The following TMEM178A variants were observed in gnomAD, a reference collection of about 807,000 sequenced individuals.
TMEM178A encodes transmembrane protein 178A, also known as transmembrane protein 178.
TMEM178A carries 12 observed loss-of-function variants against 29.1 expected under a neutral mutation model. That is an observed-to-expected ratio of 0.41 (90% CI 0.26 to 0.67). The LOEUF (loss-of-function observed/expected upper bound fraction) is 0.67, where lower values mean the gene tolerates loss of function less well. Ranked by LOEUF, TMEM178A falls within the 30% of genes least tolerant of loss-of-function variation. The pLI is 0.29. For missense variants in TMEM178A, 366 were observed against 419.1 expected (o/e 0.87, Z 1.11); for synonymous variants, 210 against 187.2 (o/e 1.12, Z -0.99).
rs141844962 is a variant in TMEM178A at position 39,707,086 on chromosome 2, C to T, written c.552C>T (p.Ala184=). The change falls in exon 3 of 4, where the codon GCC becomes GCT. Residue 184 remains alanine, a synonymous_variant. Coordinates refer to ENST00000281961, the MANE Select transcript of TMEM178A (RefSeq NM_152390.3). ...TCACTGCTGGCTTCCTCGGCATGGC[C>T]GTAGCCGTCCTTCTCTGCGGCTGCA... ...RRITAGFLGM[A]VAVLLCGCIV... 272 of 1,613,924 alleles carry T rather than the reference C, an allele frequency of 1.7e-4. 2 individuals are homozygous for T. In the African/African-American group the frequency reaches 3.2e-3, roughly 19 times the overall value.
chr2:39,682,509 C>T (rs1670910298), intron 1 of TMEM178A, among the ~76,000 whole-genome samples: 1 of 151,960 alleles, frequency 6.6e-6, no homozygotes, highest in South Asian at 2.1e-4. Flanking sequence ...TTTGCTGCTT[C>T]TGCTGGCCCA....
At chr2:39,665,755 CCCGGGGGCCGGG>C (rs1670113685), upstream of TMEM178A, 3 of 373,076 alleles carry the variant, frequency 8.0e-6, no homozygotes. Flanking sequence ...GGGCTAGGAG[CCCGGGGGCCGGG>C]CCGGGGGCGG....
the TMEM178A span, among the ~76,000 whole-genome samples, chr2:39,730,867 T>C: frequency 6.6e-6 from 1 of 152,244 alleles, no homozygotes; most frequent in Non-Finnish European, 1.5e-5. Context: ...TTGGGCTCTT[T>C]ATTCTGACTA....
chr2:39,705,668 C>G (rs1224741621), intron 2 of TMEM178A, among the ~76,000 whole-genome samples: 1 of 152,150 alleles, frequency 6.6e-6, no homozygotes, highest in Non-Finnish European at 1.5e-5. Flanking sequence ...CTCTCTGTGG[C>G]TAAGGTGCTA....
chr2:39,699,067 C>T (rs901501147), intron 1 of TMEM178A, among the ~76,000 whole-genome samples: 4 of 150,990 alleles, frequency 2.6e-5, no homozygotes, highest in African/African-American at 9.7e-5. Flanking sequence ...GCTGCCTTGC[C>T]CATGCTGGAG....
intron 1 of TMEM178A, among the ~76,000 whole-genome samples, chr2:39,700,136 G>A (rs1226613889): frequency 6.6e-6 from 1 of 152,130 alleles, no homozygotes. Flanking sequence ...TGGATGGAGT[G>A]TTCATAGATG....
At chr2:39,705,495 A>G (rs1324480339) in intron 2 of TMEM178A, among the ~76,000 whole-genome samples, 1 of 152,198 alleles carries the variant, frequency 6.6e-6, no homozygotes, top group Non-Finnish European at 1.5e-5. Context: ...TGTCTCAAAA[A>G]CTACTTATAC....
At chr2:39,668,756 T>A (rs1558439737) in intron 1 of TMEM178A, among the ~76,000 whole-genome samples, 1 of 152,350 alleles carries the variant, frequency 6.6e-6, no homozygotes, top group African/African-American at 2.4e-5. Flanking sequence ...CTAACCAACC[T>A]TGGGCTAGTT....
chr2:39,698,531 C>CTT (rs1291569637), intron 1 of TMEM178A, among the ~76,000 whole-genome samples: 1 of 152,142 alleles, frequency 6.6e-6, no homozygotes, highest in Non-Finnish European at 1.5e-5. Flanking sequence ...GTGTACAACT[C>CTT]TTTTCAGATG....
At chr2:39,681,596 T>A (rs1430488170) in intron 1 of TMEM178A, among the ~76,000 whole-genome samples, 1 of 151,860 alleles carries the variant, frequency 6.6e-6, no homozygotes, top group Non-Finnish European at 1.5e-5. Context: ...TTTCTTAGAA[T>A]TTTTTTTTAT....
the TMEM178A span, among the ~76,000 whole-genome samples, chr2:39,732,848 C>G: frequency 3.3e-5 from 5 of 152,182 alleles, no homozygotes; most frequent in Admixed American, 3.3e-4. Flanking sequence ...TGAGTCAGAG[C>G]AGCAAATCCA....
At chr2:39,695,187 A>T (rs942978988) in intron 1 of TMEM178A, among the ~76,000 whole-genome samples, 1 of 152,112 alleles carries the variant, frequency 6.6e-6, no homozygotes, top group East Asian at 1.9e-4. Context: ...TGGGGAAATA[A>T]TTCTTTATTT....
chr2:39,725,414 C>G, the TMEM178A span, among the ~76,000 whole-genome samples: 2 of 152,186 alleles, frequency 1.3e-5, no homozygotes, highest in Non-Finnish European at 1.5e-5. Flanking sequence ...GGAGCTGGTT[C>G]TGTGTTGCAC....
chr2:39,668,607 TA>T (rs956673723), intron 1 of TMEM178A, among the ~76,000 whole-genome samples: 1 of 152,244 alleles, frequency 6.6e-6, no homozygotes, highest in Non-Finnish European at 1.5e-5. Flanking sequence ...AATAACAATG[TA>T]AATTTAGCTT....
chr2:39,679,005 C>T (rs545123025), intron 1 of TMEM178A, among the ~76,000 whole-genome samples: 213 of 152,334 alleles, frequency 1.4e-3, no homozygotes, highest in Non-Finnish European at 2.6e-3. Context: ...CTCTAGCTTT[C>T]CTTGCCTCTG....
intron 3 of TMEM178A, among the ~76,000 whole-genome samples, chr2:39,713,275 C>T (rs1332566191): frequency 6.6e-6 from 1 of 152,188 alleles, no homozygotes; most frequent in Non-Finnish European, 1.5e-5. Flanking sequence ...TGCTGAATAA[C>T]TTATTGAGTA....
chr2:39,715,378 A>T (rs578073586), intron 3 of TMEM178A, among the ~76,000 whole-genome samples: 1 of 152,208 alleles, frequency 6.6e-6, no homozygotes, highest in Non-Finnish European at 1.5e-5. Context: ...TTTGTTATAT[A>T]TAAAAACTGC....
At chr2:39,720,967 TAA>T (rs1156980795), downstream of TMEM178A, among the ~76,000 whole-genome samples, 1 of 152,218 alleles carries the variant, frequency 6.6e-6, no homozygotes, top group East Asian at 1.9e-4. Context: ...GCTCAAACAT[TAA>T]GTTAGTAACC....
chr2:39,676,262 T>C (rs771218553), intron 1 of TMEM178A, among the ~76,000 whole-genome samples: 3 of 152,192 alleles, frequency 2.0e-5, no homozygotes, highest in Non-Finnish European at 2.9e-5. Context: ...AAACGTATTA[T>C]CTTGTGTAAC....
Sources: gnomAD v4.1 joint callset for allele counts (sites outside exome capture counted in the v4.1 genomes callset) on GRCh38, gnomAD v4.1.1 for gene constraint, MANE v1.5 for transcripts, NCBI Gene and HGNC (gene_info 2026-07-23, HGNC 2026-07-21) for gene names.